The following LINGO1 variants were observed in gnomAD, a reference collection of about 807,000 sequenced individuals.
LINGO1 encodes the protein leucine-rich repeat and immunoglobulin-like domain-containing nogo receptor-interacting protein 1.
LINGO1 carries 11 observed loss-of-function variants against 37.3 expected under a neutral mutation model. That is an observed-to-expected ratio of 0.29 (90% CI 0.19 to 0.49). The LOEUF (loss-of-function observed/expected upper bound fraction) is 0.49. LINGO1 is among the 20% of genes least tolerant of loss of function. The pLI, the probability that LINGO1 is intolerant of heterozygous loss-of-function variation, is 0.99. For synonymous variants in LINGO1, 387 were observed against 403.0 expected (o/e 0.96, Z 0.48); for missense variants, 585 against 878.2 (o/e 0.67, Z 4.22).
At chr15:77,806,675 C>T (rs189160602) in intron 1 of LINGO1, among the ~76,000 whole-genome samples, 46 of 152,228 alleles carry the variant, frequency 3.0e-4, no homozygotes, top group African/African-American at 1.0e-3. Context: ...GAACTGGACG[C>T]CTGCTTCCTC....
intron 1 of LINGO1, among the ~76,000 whole-genome samples, chr15:77,805,911 T>C (rs2076955714): frequency 1.3e-5 from 2 of 152,268 alleles, no homozygotes; most frequent in South Asian, 4.2e-4. Context: ...GAACCACTGA[T>C]GGTCTTCCAT....
At chr15:77,695,086 G>A (rs1436236494) in intron 1 of LINGO1, among the ~76,000 whole-genome samples, 2 of 152,222 alleles carry the variant, frequency 1.3e-5, no homozygotes, top group African/African-American at 2.4e-5. Flanking sequence ...CTTTTCAGGT[G>A]AGGCAGTGAA....
chr15:77,699,180 G>A (rs1484887873), upstream of LINGO1, among the ~76,000 whole-genome samples: 1 of 151,860 alleles, frequency 6.6e-6, no homozygotes, highest in Non-Finnish European at 1.5e-5. Context: ...GAGGACCTTG[G>A]TAGTCCCCTC....
chr15:77,710,334 G>A (rs973353498), intron 2 of LINGO1, among the ~76,000 whole-genome samples: 3 of 152,274 alleles, frequency 2.0e-5, no homozygotes, highest in Non-Finnish European at 4.4e-5. Context: ...GGCGCTGAGC[G>A]GCAGAGGGAC....
chr15:77,789,702 C>T (rs1297234715), upstream of LINGO1, among the ~76,000 whole-genome samples: 5 of 152,184 alleles, frequency 3.3e-5, no homozygotes, highest in East Asian at 9.6e-4. Flanking sequence ...CATCTACAAG[C>T]CAAGGAGAGA....
chr15:77,788,712 C>T (rs1000558847), upstream of LINGO1: 5 of 152,222 alleles, frequency 3.3e-5, no homozygotes, highest in African/African-American at 1.2e-4. Flanking sequence ...TCCTGTGAGC[C>T]TAACCATAGG....
At chr15:77,779,401 A>T (rs1039548007) in intron 1 of LINGO1, among the ~76,000 whole-genome samples, 2 of 152,048 alleles carry the variant, frequency 1.3e-5, no homozygotes, top group African/African-American at 2.4e-5. Flanking sequence ...CTTGATTTCT[A>T]TTATTATTAC....
chr15:77,728,864 G>A (rs1276386059), intron 2 of LINGO1, among the ~76,000 whole-genome samples: 1 of 152,252 alleles, frequency 6.6e-6, no homozygotes, highest in Non-Finnish European at 1.5e-5. Context: ...ATAACTATTT[G>A]TAAATTGCTT....
At chr15:77,794,656 C>T (rs1300601033) in intron 2 of LINGO1, among the ~76,000 whole-genome samples, 4 of 147,404 alleles carry the variant, frequency 2.7e-5, no homozygotes, top group African/African-American at 5.0e-5. Context: ...GGCGTGATCT[C>T]GGCTCACTGC....
chr15:77,731,428 C>T (rs1277629474), intron 2 of LINGO1, among the ~76,000 whole-genome samples: 2 of 152,220 alleles, frequency 1.3e-5, no homozygotes, highest in African/African-American at 4.8e-5. Flanking sequence ...ACTCCTGGTG[C>T]CCTCAGCCCC....
chr15:77,744,791 C>T (rs2076297070), intron 1 of LINGO1, among the ~76,000 whole-genome samples: 1 of 152,110 alleles, frequency 6.6e-6, no homozygotes, highest in African/African-American at 2.4e-5. Flanking sequence ...GCTCCAGAGG[C>T]CTCACCCTTA....
At chr15:77,652,521 T>TGTGA (rs2074783509) in intron 3 of LINGO1, among the ~76,000 whole-genome samples, 1 of 151,024 alleles carries the variant, frequency 6.6e-6, no homozygotes, top group South Asian at 2.1e-4. Flanking sequence ...TGTGTGTGTG[T>TGTGA]GTGTGTGTGT....
rs2073624611 is a variant in LINGO1, at chr15:77,614,574, C to G, written c.1333G>C (p.Val445Leu). Residue 445 changes from valine to leucine, a missense_variant, in exon 2 of 2, where the codon GTG (valine) becomes CTG (leucine). Coordinates refer to ENST00000355300, the MANE Select transcript of LINGO1 (RefSeq NM_032808.7). ...FVDEGHTVQF[V>L]CRADGDPPPA... Reference sequence around the variant, plus strand: ...GGCGGGTCGCCATCGGCCCGGCACACAAACTGCACCGTGTGGCCCTCGTCC... The same window carrying G: ...GGCGGGTCGCCATCGGCCCGGCACAGAAACTGCACCGTGTGGCCCTCGTCC... 12 of 1,610,868 alleles carry G rather than the reference C, an allele frequency of 7.4e-6. No homozygotes were observed. Among genetic ancestry groups the G allele is most frequent in the Non-Finnish European group, 1.0e-5 (12 of 1,179,056 alleles).
chr15:77,635,370 T>C (rs1229112679), upstream of LINGO1, among the ~76,000 whole-genome samples: 1 of 152,152 alleles, frequency 6.6e-6, no homozygotes, highest in Non-Finnish European at 1.5e-5. Flanking sequence ...TACGGGTCCC[T>C]GGCATTGTCA....
At chr15:77,736,550 C>G (rs1316966844) in intron 1 of LINGO1, among the ~76,000 whole-genome samples, 2 of 152,120 alleles carry the variant, frequency 1.3e-5, no homozygotes, top group African/African-American at 4.8e-5. Context: ...ATCGCTTGAG[C>G]CCAGGAGTTC....
intron 3 of LINGO1, among the ~76,000 whole-genome samples, chr15:77,675,542 A>G (rs896845912): frequency 2.0e-4 from 30 of 152,224 alleles, no homozygotes; most frequent in African/African-American, 7.2e-4. Flanking sequence ...ATATGAGCCC[A>G]TGTTTTTCCT....
chr15:77,770,587 C>CAAAAAAAA, intron 1 of LINGO1, among the ~76,000 whole-genome samples: 1 of 79,326 alleles, frequency 1.3e-5, no homozygotes, highest in Non-Finnish European at 2.3e-5. Flanking sequence ...GACTCTGTCT[C>CAAAAAAAA]AAAAAAAAAA....
intron 2 of LINGO1, among the ~76,000 whole-genome samples, chr15:77,794,329 T>C (rs1318521644): frequency 7.9e-6 from 1 of 126,816 alleles, no homozygotes; most frequent in South Asian, 2.3e-4. Flanking sequence ...TACATACATA[T>C]ATGTATATAC....
intron 1 of LINGO1, among the ~76,000 whole-genome samples, chr15:77,773,829 C>A (rs1198854990): frequency 1.3e-5 from 2 of 151,930 alleles, no homozygotes; most frequent in Non-Finnish European, 2.9e-5. Flanking sequence ...GGAGCAGTGG[C>A]CTTCTCTGGC....
Sources: gnomAD v4.1 joint callset for allele counts (sites outside exome capture counted in the v4.1 genomes callset) on GRCh38, gnomAD v4.1.1 for gene constraint, MANE v1.5 for transcripts, NCBI Gene and HGNC (gene_info 2026-07-23, HGNC 2026-07-21) for gene names.